PLCH2: variants seen among roughly 807,000 people sequenced by gnomAD.
The protein encoded by PLCH2 is phospholipase C eta 2.
Under a neutral mutation model 134.7 loss-of-function variants are expected in PLCH2, and 98 were observed. The observed-to-expected ratio is 0.73, with a 90% CI of 0.62 to 0.86. PLCH2 has a LOEUF of 0.86. Ranked by LOEUF, PLCH2 falls within the 40% of genes least tolerant of loss-of-function variation. The probability of loss-of-function intolerance (pLI) is 0.00; values close to 1 mark genes in which losing one functional copy is unlikely to be tolerated. For missense variants in PLCH2, 1,994 were observed against 1,986.6 expected, an observed-to-expected ratio of 1.00 and a Z score of -0.07; for synonymous variants, 974 against 827.5, an observed-to-expected ratio of 1.18 and a Z score of -3.04.
intron 2 of PLCH2, among the ~76,000 whole-genome samples, chr1:2,458,923 A>G (rs1361466259): frequency 6.6e-6 from 1 of 152,242 alleles, no homozygotes; most frequent in Admixed American, 6.5e-5. Context: ...CGTCTCTGCA[A>G]ACGGGGGCCC....
intron 2 of PLCH2, among the ~76,000 whole-genome samples, chr1:2,457,020 G>A (rs910261261): frequency 6.6e-6 from 1 of 152,182 alleles, no homozygotes; most frequent in Non-Finnish European, 1.5e-5. Context: ...TTTTCAAAGG[G>A]GCAAGAGCCA....
upstream of PLCH2, among the ~76,000 whole-genome samples, chr1:2,425,373 T>A: frequency 6.6e-6 from 1 of 152,188 alleles, no homozygotes; most frequent in Non-Finnish European, 1.5e-5. Context: ...CATCCACTGA[T>A]GGACACTCAG....
chr1:2,443,600 C>CGCCGT (rs1553240689), intron 2 of PLCH2, among the ~76,000 whole-genome samples: 1 of 151,036 alleles, frequency 6.6e-6, no homozygotes, highest in Middle Eastern at 3.2e-3. Context: ...CGGCTAGCCC[C>CGCCGT]GCGCCCCACC....
In PLCH2 at chr1:2,499,145, G is replaced by T. The variant is rs781405480; in HGVS notation, c.2496G>T (p.Leu832=). The T allele has an allele frequency of 1.9e-6, 3 of 1,613,076 alleles. No homozygotes were observed. Among genetic ancestry groups the T allele is most frequent in the Non-Finnish European group, 1.7e-6 (2 of 1,179,762 alleles). Residue 832 remains leucine, a synonymous_variant, in exon 19 of 22, where the codon CTG becomes CTT. Coordinates refer to ENST00000378486, the MANE Select transcript of PLCH2 (RefSeq NM_014638.4). ...TGGTGCACATGCCGGAGATCGCGCT[G>T]GTCCGCTTCCTCGTCTGGGACCACG... ...VFMVHMPEIA[L]VRFLVWDHDP... is the part of the protein sequence containing the mutation.
intron 2 of PLCH2, among the ~76,000 whole-genome samples, chr1:2,441,591 C>A (rs969708348): frequency 1.3e-5 from 2 of 152,230 alleles, no homozygotes; most frequent in African/African-American, 4.8e-5. Flanking sequence ...GGGGTTTCCT[C>A]CTGGGAAGGA....
chr1:2,460,962 G>C (rs2100587477), intron 2 of PLCH2, among the ~76,000 whole-genome samples: 1 of 152,322 alleles, frequency 6.6e-6, no homozygotes, highest in South Asian at 2.1e-4. Context: ...GTGCCAGCCT[G>C]GTGGCGTGGG....
At chr1:2,494,139 C>G (rs1421627386) in intron 11 of PLCH2, among the ~76,000 whole-genome samples, 2 of 152,118 alleles carry the variant, frequency 1.3e-5, no homozygotes, top group Non-Finnish European at 2.9e-5. Flanking sequence ...CTCCTGAGCA[C>G]AGCTGGGCCA....
chr1:2,492,585 T>G (rs1489787948), intron 11 of PLCH2: 1 of 152,192 alleles, frequency 6.6e-6, no homozygotes, highest in Non-Finnish European at 1.5e-5. Context: ...CCTGATGAGA[T>G]GCACTCCTTG....
chr1:2,504,438 C>T lies in PLCH2; in HGVS notation c.3476C>T (p.Ser1159Phe). 2 of 1,612,690 alleles carry T rather than the reference C, an allele frequency of 1.2e-6. No individual in the cohort carries two copies. Among genetic ancestry groups the T allele is most frequent in the East Asian group, 2.2e-5 (1 of 44,874 alleles). The stretch of plus-strand genomic sequence containing the variant: ...TCCAGCGACACTGTCATTGACCTCT[C>T]CCTGCCCAGCCTGGGCCTGGGCCGC... ...MSSSDTVIDL[S>F]LPSLGLGRSR... The change falls in exon 22 of 22, where the codon TCC (serine) becomes TTC (phenylalanine). Residue 1159 changes from serine (S) to phenylalanine (F), a missense_variant. Around this residue, in one of 2 missense-constraint regions of PLCH2, gnomAD observed 900 missense variants for 752.3 expected, o/e 1.20. Transcript: ENST00000378486.
Position 2,476,510 on chromosome 1 carries a change from G to T in PLCH2, c.-79G>T, listed in dbSNP as rs1641628270. The T allele has an allele frequency of 7.3e-7, 1 of 1,375,012 alleles. No individual in the cohort carries two copies. The highest frequency in any genetic ancestry group is 1.5e-5 in the African/African-American group (1 of 68,064). The allele number at this position is 1,375,012 out of a possible 1,614,324, so 85.2% of individuals were successfully genotyped here. On this transcript the variant is annotated 5_prime_UTR_variant, in exon 1 of 22. Transcript: ENST00000378486. ...CCACGGAGGTCCTGTCGCCAGCGCT[G>T]CCACTGCCTGACCTCCGCTGCCCGA...
Position 2,498,140 on chromosome 1 carries a change from A to G in PLCH2, c.2225-383A>G, listed in dbSNP as rs1642999551. ...CTAGACCAGGCTACTCCTGCTGTGG[A>G]CCAGCTACTTCCACCTCTGCCCTTG... is the stretch of plus-strand genomic sequence containing the variant. On this transcript the variant is annotated intron_variant, in intron 16 of 21. Transcript: ENST00000378486. This position sits in a 1 kb window ranked among gnomAD's most constrained non-coding sequence, Gnocchi z 5.4. 3.7e-6 allele frequency: 1 copy of G among 273,684 alleles called. No homozygotes were observed. Among genetic ancestry groups the G allele is most frequent in the Non-Finnish European group, 7.0e-6 (1 of 143,842 alleles). The allele number at this position is 273,684 out of a possible 1,614,324, so 17.0% of individuals were successfully genotyped here.
At chr1:2,462,927 G>A (rs768656701), upstream of PLCH2, among the ~76,000 whole-genome samples, 6 of 152,194 alleles carry the variant, frequency 3.9e-5, no homozygotes, top group Non-Finnish European at 8.8e-5. Flanking sequence ...AACCGAAGCC[G>A]TAACATCCAT....
At chr1:2,475,343 G>A (rs1431681416), upstream of PLCH2, among the ~76,000 whole-genome samples, 1 of 152,224 alleles carries the variant, frequency 6.6e-6, no homozygotes, top group Non-Finnish European at 1.5e-5. Flanking sequence ...TGGGCAGTGG[G>A]TGGGAAGAAG....
At position 2,498,844 on chromosome 1, in the gene PLCH2, G is replaced by A. The variant is rs771238092; in HGVS notation, c.2434+16G>A. 5 of 1,591,506 alleles carry A rather than the reference G, an allele frequency of 3.1e-6. No individual in the cohort carries two copies. Among genetic ancestry groups the A allele is most frequent in the Non-Finnish European group, 4.3e-6 (5 of 1,163,716 alleles). On this transcript the variant is annotated intron_variant, in intron 18 of 21. Transcript: ENST00000378486. The surrounding 1 kb of genome is among the most constrained non-coding windows in gnomAD (Gnocchi z 5.4). ...GACGACAACGGTGAGGCTGGGCCGT[G>A]GCTCCGTCACACCTGTGATGGAAGT...
At chr1:2,472,846 TG>T (rs1641395964), upstream of PLCH2, among the ~76,000 whole-genome samples, 1 of 152,056 alleles carries the variant, frequency 6.6e-6, no homozygotes, top group Non-Finnish European at 1.5e-5. Flanking sequence ...TGGAGGGGCA[TG>T]TGCAGTCCCC....
intron 2 of PLCH2, among the ~76,000 whole-genome samples, chr1:2,443,576 G>GGC (rs1639789069): frequency 6.6e-6 from 1 of 151,104 alleles, no homozygotes; most frequent in Non-Finnish European, 1.5e-5. Flanking sequence ...GGCTGCGGCG[G>GGC]GCGCAGGGCG....
chr1:2,419,113 G>A, the PLCH2 span, among the ~76,000 whole-genome samples: 1 of 152,190 alleles, frequency 6.6e-6, no homozygotes, highest in Non-Finnish European at 1.5e-5. Flanking sequence ...CCATCTGTCT[G>A]CCCAGCTCCT....
intron 4 of PLCH2, among the ~76,000 whole-genome samples, chr1:2,483,543 T>C (rs934862320): frequency 1.3e-5 from 2 of 152,128 alleles, no homozygotes; most frequent in Non-Finnish European, 2.9e-5. Flanking sequence ...ACTGGGGCCA[T>C]GTCACCTCCA....
chr1:2,463,850 C>A (rs1640937347), upstream of PLCH2, among the ~76,000 whole-genome samples: 1 of 152,266 alleles, frequency 6.6e-6, no homozygotes, highest in East Asian at 1.9e-4. Context: ...GCTGGTCCTC[C>A]CTGGTTCAAC....
Sources: allele counts gnomAD v4.1 joint callset (sites outside exome capture counted in the v4.1 genomes callset), GRCh38; gene constraint gnomAD v4.1.1; regional missense constraint gnomAD v4.1.1; non-coding constraint Gnocchi (gnomAD v3.1); transcripts MANE v1.5; gene names NCBI Gene and HGNC (gene_info 2026-07-23, HGNC 2026-07-21).